IMMP2L: variants seen among roughly 807,000 people sequenced by gnomAD.
IMMP2L encodes the protein mitochondrial inner membrane protease subunit 2.
In IMMP2L, 18 loss-of-function variants were observed where a neutral mutation model predicts 19.3. The ratio of observed to expected loss-of-function variants is 0.93; its 90% CI spans 0.64 to 1.38. The LOEUF (loss-of-function observed/expected upper bound fraction) is 1.38. Among genes scored for constraint, IMMP2L ranks in the 40% most tolerant of loss-of-function variants. The pLI is 0.00. For missense variants in IMMP2L, 233 were observed against 218.2 expected (o/e 1.07, Z -0.43); for synonymous variants, 76 against 73.0 (o/e 1.04, Z -0.21).
intron 3 of IMMP2L, chr7:111,390,668 T>C (rs370725998): frequency 3.3e-5 from 5 of 152,178 alleles, no homozygotes; most frequent in African/African-American, 1.2e-4. Flanking sequence ...TTCCCTCTTA[T>C]GGTCCATTAG....
intron 3 of IMMP2L, among the ~76,000 whole-genome samples, chr7:111,388,643 G>A (rs761424549): frequency 1.8e-4 from 28 of 152,018 alleles, no homozygotes; most frequent in Non-Finnish European, 3.1e-4. Flanking sequence ...GGCAGGAAGC[G>A]AAAAGTACTT....
At chr7:111,111,686 A>G (rs941940300) in intron 3 of IMMP2L, among the ~76,000 whole-genome samples, 1 of 151,976 alleles carries the variant, frequency 6.6e-6, no homozygotes, top group African/African-American at 2.4e-5. Context: ...GTAATTTTAA[A>G]TGAATTCAAG....
chr7:111,518,019 C>G (rs908810619), intron 2 of IMMP2L, among the ~76,000 whole-genome samples: 1 of 152,022 alleles, frequency 6.6e-6, no homozygotes, highest in African/African-American at 2.4e-5. Flanking sequence ...ATTGAATTTA[C>G]CAATGCATCA....
intron 5 of IMMP2L, among the ~76,000 whole-genome samples, chr7:110,796,449 T>G (rs1273188826): frequency 6.6e-6 from 1 of 152,090 alleles, no homozygotes; most frequent in East Asian, 1.9e-4. Context: ...TATCTTTTCT[T>G]GTCTTCATTA....
chr7:110,889,210 T>C (rs2129545829), intron 4 of IMMP2L, among the ~76,000 whole-genome samples: 1 of 152,074 alleles, frequency 6.6e-6, no homozygotes, highest in East Asian at 1.9e-4. Context: ...TGGGGGAAGG[T>C]TTTGGCATGA....
In IMMP2L at chr7:110,663,303, T is replaced by A. The variant is rs1671778811; in HGVS notation, c.*299A>T. 3 of 237,158 alleles carry A rather than the reference T, an allele frequency of 1.3e-5. No homozygotes were observed. Among genetic ancestry groups the A allele is most frequent in the Non-Finnish European group, 2.5e-5 (3 of 121,586 alleles). The allele number at this position is 237,158 out of a possible 1,614,324, so 14.7% of individuals were successfully genotyped here. ...TATAATAAGTATATGTAACAAATAA[T>A]CTGAAATTCAGCCCCATTAAGACAT... is the stretch of plus-strand genomic sequence containing the variant. On this transcript the variant is annotated 3_prime_UTR_variant, in exon 6 of 6. Coordinates refer to ENST00000405709, the MANE Select transcript of IMMP2L (RefSeq NM_032549.4).
chr7:110,838,081 T>C (rs1372950363), intron 5 of IMMP2L, among the ~76,000 whole-genome samples: 1 of 152,128 alleles, frequency 6.6e-6, no homozygotes, highest in East Asian at 1.9e-4. Context: ...TTTAACATCA[T>C]AGGTAGAAAT....
chr7:111,328,336 T>C (rs768939574), intron 3 of IMMP2L, among the ~76,000 whole-genome samples: 1 of 151,752 alleles, frequency 6.6e-6, no homozygotes, highest in South Asian at 2.1e-4. Context: ...CATATTACAA[T>C]GAAATACATG....
chr7:111,413,320 G>A (rs1008991491), intron 3 of IMMP2L, among the ~76,000 whole-genome samples: 2 of 151,146 alleles, frequency 1.3e-5, no homozygotes, highest in South Asian at 4.2e-4. Context: ...ACTTTTTTTA[G>A]AAAAGAAAAA....
At chr7:111,512,694 C>T (rs1233134250) in intron 2 of IMMP2L, among the ~76,000 whole-genome samples, 7 of 151,916 alleles carry the variant, frequency 4.6e-5, no homozygotes, top group Non-Finnish European at 7.4e-5. Flanking sequence ...CATCACACTA[C>T]TTAACTCAAA....
chr7:111,312,747 G>A (rs1431782231), intron 3 of IMMP2L, among the ~76,000 whole-genome samples: 1 of 152,020 alleles, frequency 6.6e-6, no homozygotes. Context: ...ATTTTCCACT[G>A]GCAATGATAT....
intron 4 of IMMP2L, among the ~76,000 whole-genome samples, chr7:110,895,875 G>A (rs1237306157): frequency 6.6e-6 from 1 of 152,074 alleles, no homozygotes; most frequent in Non-Finnish European, 1.5e-5. Flanking sequence ...CTTCTATCCT[G>A]CAGCCTTGCT....
intron 5 of IMMP2L, among the ~76,000 whole-genome samples, chr7:110,830,258 C>T (rs1484955368): frequency 6.6e-6 from 1 of 152,050 alleles, no homozygotes; most frequent in African/African-American, 2.4e-5. Flanking sequence ...GGCCTTATGC[C>T]TTTTTAGCAA....
chr7:111,447,002 A>G (rs1192481341), intron 3 of IMMP2L, among the ~76,000 whole-genome samples: 2 of 147,730 alleles, frequency 1.4e-5, no homozygotes, highest in African/African-American at 2.5e-5. Context: ...AGGGAAGTTT[A>G]GAGAAAAAAG....
Position 111,011,685 on chromosome 7 carries a change from C to T in IMMP2L, c.240-48120G>A, listed in dbSNP as rs7459402. 9.3e-3 allele frequency among the ~76,000 whole-genome samples: 1,414 copies of T among 152,196 alleles called. 24 individuals carry two copies. Among genetic ancestry groups the T allele is most frequent in the African/African-American group, 0.032 (1,329 of 41,516 alleles). ...TTCTGAAACCATGCTGCACTGAAGACGGCAACAACTGACAAGAGTGTCAGT... is the reference window on the plus strand; with the variant it reads ...TTCTGAAACCATGCTGCACTGAAGATGGCAACAACTGACAAGAGTGTCAGT... On this transcript the variant is annotated intron_variant, in intron 3 of 5. Transcript: ENST00000405709.
chr7:110,871,576 C>A (rs1276464903), intron 5 of IMMP2L, among the ~76,000 whole-genome samples: 1 of 152,044 alleles, frequency 6.6e-6, no homozygotes, highest in Non-Finnish European at 1.5e-5. Context: ...GTTTTGGCAA[C>A]ATGAACGTGA....
At chr7:111,361,657 G>C (rs1203282633) in intron 3 of IMMP2L, among the ~76,000 whole-genome samples, 2 of 152,018 alleles carry the variant, frequency 1.3e-5, no homozygotes, top group Non-Finnish European at 2.9e-5. Flanking sequence ...GTGCTGCCTA[G>C]GGATACTAGT....
Position 111,359,933 on chromosome 7 carries a change from C to A in IMMP2L, c.239+127305G>T, listed in dbSNP as rs1349559914. On this transcript the variant is annotated intron_variant, in intron 3 of 5. Transcript: ENST00000405709. ...TTAAAGAATTAATGGGATAAATGTT[C>A]TCTTGGAGTACAGAATTATTTCATA... Among the ~76,000 whole-genome samples, 8 of 151,962 alleles carry A rather than the reference C, an allele frequency of 5.3e-5. No individual in the cohort carries two copies. The East Asian group carries it at 7.7e-4, about 15-fold the overall frequency.
chr7:110,735,329 C>G (rs188376239), intron 5 of IMMP2L, among the ~76,000 whole-genome samples: 10 of 152,176 alleles, frequency 6.6e-5, no homozygotes, highest in South Asian at 6.2e-4. Context: ...TTTCCAGGAC[C>G]CCTCTCTGTA....
Sources: gnomAD v4.1 joint callset for allele counts (sites outside exome capture counted in the v4.1 genomes callset) on GRCh38, gnomAD v4.1.1 for gene constraint, MANE v1.5 for transcripts, NCBI Gene and HGNC (gene_info 2026-07-23, HGNC 2026-07-21) for gene names.